Variants in CDK14 observed in about 807,000 individuals in gnomAD.
The protein encoded by CDK14 is cyclin-dependent kinase 14.
Under a neutral mutation model 60.7 loss-of-function variants are expected in CDK14, and 34 were observed. The ratio of observed to expected loss-of-function variants is 0.56; its 90% CI spans 0.43 to 0.75. CDK14 has a LOEUF of 0.75. Ranked by LOEUF, CDK14 falls within the 30% of genes least tolerant of loss-of-function variation. The pLI is 0.00. For synonymous variants in CDK14, 197 were observed against 203.7 expected (o/e 0.97, Z 0.28); for missense variants, 482 against 564.1 (o/e 0.85, Z 1.47).
chr7:91,043,990 C>T (rs951902272), intron 10 of CDK14, among the ~76,000 whole-genome samples: 3 of 152,126 alleles, frequency 2.0e-5, no homozygotes, highest in South Asian at 2.1e-4. Flanking sequence ...TACAAATCCT[C>T]GGATAAAGTG....
At chr7:91,091,541 T>C (rs1262963798) in intron 12 of CDK14, among the ~76,000 whole-genome samples, 1 of 124,142 alleles carries the variant, frequency 8.1e-6, no homozygotes, top group Non-Finnish European at 1.7e-5. Flanking sequence ...TGGTGGCATA[T>C]GCCTGTAGTC....
intron 14 of CDK14, among the ~76,000 whole-genome samples, chr7:91,200,531 A>G (rs1182862860): frequency 6.6e-6 from 1 of 152,134 alleles, no homozygotes; most frequent in Non-Finnish European, 1.5e-5. Flanking sequence ...TTGACATGGT[A>G]CTTGGGGAAG....
chr7:90,960,144 T>G (rs986076631), intron 9 of CDK14, among the ~76,000 whole-genome samples: 1 of 152,110 alleles, frequency 6.6e-6, no homozygotes, highest in Non-Finnish European at 1.5e-5. Flanking sequence ...AAGCTTTATA[T>G]TCCTCTATAG....
chr7:90,863,071 G>A (rs1791059781), intron 5 of CDK14, 104 bp from the exon 6 acceptor site: 1 of 564,538 alleles, frequency 1.8e-6, no homozygotes. Context: ...TGGAACATGT[G>A]AAAATAGATA....
intron 14 of CDK14, among the ~76,000 whole-genome samples, chr7:91,163,506 G>A (rs1048029892): frequency 3.3e-5 from 5 of 152,142 alleles, no homozygotes; most frequent in African/African-American, 1.2e-4. Flanking sequence ...CAATTGTATA[G>A]ATGTATGGGG....
At chr7:90,674,694 A>C (rs772954093) in intron 2 of CDK14, among the ~76,000 whole-genome samples, 2 of 152,160 alleles carry the variant, frequency 1.3e-5, no homozygotes, top group Non-Finnish European at 2.9e-5. Context: ...TCTTTTTCCA[A>C]AACAGTTTGG....
At chr7:90,778,896 CTTCT>C (rs1321330453) in intron 4 of CDK14, among the ~76,000 whole-genome samples, 1 of 92,902 alleles carries the variant, frequency 1.1e-5, no homozygotes, top group South Asian at 3.6e-4. Flanking sequence ...TCCTTCCTTC[CTTCT>C]TTTCTCTCTC....
At chr7:91,176,390 A>G (rs565140396) in intron 14 of CDK14, among the ~76,000 whole-genome samples, 3 of 152,316 alleles carry the variant, frequency 2.0e-5, no homozygotes, top group South Asian at 2.1e-4. Flanking sequence ...TAACATCACA[A>G]TTAAAAGAAC....
At chr7:91,059,487 T>A (rs948223834) in intron 11 of CDK14, among the ~76,000 whole-genome samples, 1 of 152,196 alleles carries the variant, frequency 6.6e-6, no homozygotes, top group East Asian at 1.9e-4. Flanking sequence ...GTTCTTTTAA[T>A]TGTGATGTTA....
chr7:90,780,120 G>C (rs1298126363), intron 4 of CDK14, among the ~76,000 whole-genome samples: 1 of 152,148 alleles, frequency 6.6e-6, no homozygotes, highest in African/African-American at 2.4e-5. Flanking sequence ...GAATCTAACT[G>C]TTGATAATCT....
At chr7:90,947,880 G>T (rs1794146384) in intron 8 of CDK14, among the ~76,000 whole-genome samples, 1 of 152,046 alleles carries the variant, frequency 6.6e-6, no homozygotes, top group Non-Finnish European at 1.5e-5. Context: ...TTTATAGATT[G>T]ACTTCTTTCC....
intron 14 of CDK14, among the ~76,000 whole-genome samples, chr7:91,192,643 A>G (rs188997998): frequency 1.2e-3 from 180 of 152,358 alleles, no homozygotes; most frequent in Non-Finnish European, 2.1e-3. Context: ...AGCTCTCACA[A>G]TAATTTTTAT....
At chr7:90,692,606 A>C in intron 2 of CDK14, 6 of 721,606 alleles carry the variant, frequency 8.3e-6, no homozygotes, top group Non-Finnish European at 1.0e-5. Context: ...ACTAAGAAGA[A>C]TGCATGAGGG....
Position 90,962,546 on chromosome 7 carries a change from G to A in CDK14, c.947+6729G>A, listed in dbSNP as rs554113561. ...TTTTATATTCCATTGTTGTTTATCGGTGTGTATGTTTGTGAGAGAGAGTAT... is the reference window on the plus strand; with the variant it reads ...TTTTATATTCCATTGTTGTTTATCGATGTGTATGTTTGTGAGAGAGAGTAT... On this transcript the variant is annotated intron_variant, in intron 9 of 14. Coordinates refer to ENST00000380050, the MANE Select transcript of CDK14 (RefSeq NM_001287135.2). Among the ~76,000 whole-genome samples the A allele has an allele frequency of 7.2e-5, 11 of 152,224 alleles. 1 individual carries two copies. In the South Asian group the frequency reaches 1.7e-3, roughly 23 times the overall value.
chr7:90,921,508 C>T (rs1212787613), intron 8 of CDK14, among the ~76,000 whole-genome samples: 2 of 152,046 alleles, frequency 1.3e-5, no homozygotes, highest in East Asian at 1.9e-4. Context: ...TCCGTGAAGG[C>T]GGGAACTTGA....
intron 6 of CDK14, among the ~76,000 whole-genome samples, chr7:90,893,623 A>G (rs1013299687): frequency 2.6e-5 from 4 of 152,250 alleles, no homozygotes; most frequent in Non-Finnish European, 4.4e-5. Flanking sequence ...CTAAGGAAAG[A>G]ATGTATAAAG....
At chr7:90,641,024 T>A (rs1337449551) in intron 2 of CDK14, among the ~76,000 whole-genome samples, 1 of 151,222 alleles carries the variant, frequency 6.6e-6, no homozygotes, top group Non-Finnish European at 1.5e-5. Flanking sequence ...TCAGGGAAAT[T>A]CAAATCAAAA....
At position 91,045,794 on chromosome 7, in the gene CDK14, A is replaced by G. The variant is rs1365268720; in HGVS notation, c.1042-103A>G. 6 of 698,332 alleles carry G rather than the reference A, an allele frequency of 8.6e-6. No individual in the cohort carries two copies. In the African/African-American group the frequency reaches 9.0e-5, roughly 10 times the overall value. The allele number at this position is 698,332 out of a possible 1,614,324, so 43.3% of individuals were successfully genotyped here. On this transcript the variant is annotated intron_variant, in intron 10 of 14. Coordinates refer to ENST00000380050, the MANE Select transcript of CDK14 (RefSeq NM_001287135.2). ...GGCATACGATAATGGAAAAAAAAAT[A>G]CCAGAGTTTCATAATATGTAGTGTA...
chr7:90,743,882 A>G (rs1290268227), intron 3 of CDK14, among the ~76,000 whole-genome samples: 1 of 151,756 alleles, frequency 6.6e-6, no homozygotes, highest in Non-Finnish European at 1.5e-5. Context: ...TCTCTTCTTA[A>G]TAGCATATTG....
Sources: allele counts gnomAD v4.1 joint callset (sites outside exome capture counted in the v4.1 genomes callset), GRCh38; gene constraint gnomAD v4.1.1; transcripts MANE v1.5; gene names NCBI Gene and HGNC (gene_info 2026-07-23, HGNC 2026-07-21).